The following NALF1 variants were observed in gnomAD, a reference collection of about 807,000 sequenced individuals.
The protein encoded by NALF1 is family with sequence similarity 155 member A.
NALF1 carries 3 observed loss-of-function variants against 48.4 expected under a neutral mutation model. That is an observed-to-expected ratio of 0.06 (90% CI 0.03 to 0.16). The LOEUF is 0.16. NALF1 is among the 10% of genes least tolerant of loss of function. NALF1 has a pLI of 1.00. For missense variants in NALF1, 526 were observed against 571.5 expected (o/e 0.92, Z 0.81); for synonymous variants, 262 against 245.7 (o/e 1.07, Z -0.62).
chr13:107,510,680 T>C (rs1317152669), intron 1 of NALF1, among the ~76,000 whole-genome samples: 2 of 152,162 alleles, frequency 1.3e-5, no homozygotes, highest in African/African-American at 4.8e-5. Context: ...TGTGAGGCCT[T>C]GATACTCTGC....
intron 1 of NALF1, among the ~76,000 whole-genome samples, chr13:107,498,126 C>A (rs1333182970): frequency 6.6e-6 from 1 of 152,098 alleles, no homozygotes; most frequent in East Asian, 1.9e-4. Context: ...GAAAGCAAAT[C>A]ATGTACACAT....
At chr13:107,855,976 C>G (rs895045126) in intron 1 of NALF1, among the ~76,000 whole-genome samples, 1 of 150,820 alleles carries the variant, frequency 6.6e-6, no homozygotes, top group Non-Finnish European at 1.5e-5. Context: ...GGCACGAATA[C>G]TGCTCATTGG....
intron 1 of NALF1, among the ~76,000 whole-genome samples, chr13:107,477,270 T>C (rs76694225): frequency 1.3e-5 from 2 of 152,122 alleles, no homozygotes; most frequent in East Asian, 1.9e-4. Flanking sequence ...AATAACTTCA[T>C]GGTTGGCTTC....
chr13:107,314,913 G>C (rs1882116387), intron 1 of NALF1, among the ~76,000 whole-genome samples: 1 of 152,114 alleles, frequency 6.6e-6, no homozygotes, highest in South Asian at 2.1e-4. Context: ...GTCATCTGGT[G>C]GTGGTGGAAT....
At chr13:107,690,697 G>T (rs2138503801) in intron 1 of NALF1, among the ~76,000 whole-genome samples, 1 of 152,264 alleles carries the variant, frequency 6.6e-6, no homozygotes, top group Admixed American at 6.5e-5. Context: ...TGAAGGAGAT[G>T]GGAGAGGAAT....
intron 1 of NALF1, among the ~76,000 whole-genome samples, chr13:107,254,062 A>AAAAAAAATATATATATATATATAT: frequency 1.4e-5 from 2 of 138,682 alleles, no homozygotes; most frequent in African/African-American, 5.4e-5. Context: ...CAAGTACTAA[A>AAAAAAAATATATATATATATATAT]ATATATATAT....
At chr13:107,212,457 C>T (rs1003089854) in intron 1 of NALF1, among the ~76,000 whole-genome samples, 13 of 152,220 alleles carry the variant, frequency 8.5e-5, no homozygotes, top group African/African-American at 2.6e-4. Flanking sequence ...ATTCTTATGC[C>T]AACTGGGAAA....
At chr13:107,507,419 T>C (rs1191649025) in intron 1 of NALF1, among the ~76,000 whole-genome samples, 1 of 151,976 alleles carries the variant, frequency 6.6e-6, no homozygotes, top group Non-Finnish European at 1.5e-5. Context: ...ATGGTAGCTT[T>C]TTTTTGTTTG....
chr13:107,254,022 G>C (rs2138847241), intron 1 of NALF1, among the ~76,000 whole-genome samples: 1 of 145,540 alleles, frequency 6.9e-6, no homozygotes, highest in African/African-American at 2.5e-5. Flanking sequence ...TGACAAAGTA[G>C]TTCTCTTTTA....
intron 1 of NALF1, among the ~76,000 whole-genome samples, chr13:107,765,651 T>C (rs1021655217): frequency 1.3e-5 from 2 of 152,148 alleles, no homozygotes; most frequent in Non-Finnish European, 2.9e-5. Flanking sequence ...ATTTAGTAAA[T>C]AGGATCCCTG....
At chr13:107,863,895 CTT>C (rs1438767350) in intron 1 of NALF1, among the ~76,000 whole-genome samples, 2 of 152,100 alleles carry the variant, frequency 1.3e-5, no homozygotes, top group Non-Finnish European at 2.9e-5. Context: ...TACAGACTGT[CTT>C]TTAAATACTG....
intron 1 of NALF1, among the ~76,000 whole-genome samples, chr13:107,299,902 A>G (rs191334305): frequency 2.6e-5 from 4 of 152,266 alleles, no homozygotes; most frequent in African/African-American, 9.6e-5. Context: ...CTGCAGCCAC[A>G]AAAAGCTTCA....
chr13:107,187,233 C>T (rs2138780859), intron 2 of NALF1, among the ~76,000 whole-genome samples: 1 of 152,296 alleles, frequency 6.6e-6, no homozygotes, highest in Non-Finnish European at 1.5e-5. Flanking sequence ...GTCCCTTCTG[C>T]CACGTAATGT....
At position 107,449,570 on chromosome 13, in the gene NALF1, G is replaced by A. The variant is rs117832120; in HGVS notation, c.916-238815C>T. Among the ~76,000 whole-genome samples, 86 of 152,248 alleles carry A rather than the reference G, an allele frequency of 5.6e-4. 1 individual carries two copies. Among genetic ancestry groups the A allele is most frequent in the Non-Finnish European group, 1.2e-3 (79 of 68,012 alleles). On this transcript the variant is annotated intron_variant, in intron 1 of 2. Transcript: ENST00000375915. ...AAGTCTAGGAAGATAATGCACAAGC[G>A]GATATGTAGAAGTCGGTAAAGAGAA... is the stretch of plus-strand genomic sequence containing the variant.
chr13:107,692,023 T>C (rs959766279), intron 1 of NALF1, among the ~76,000 whole-genome samples: 5 of 152,182 alleles, frequency 3.3e-5, no homozygotes, highest in African/African-American at 1.2e-4. Context: ...AATCTCTGAA[T>C]GAATGAACAA....
intron 1 of NALF1, among the ~76,000 whole-genome samples, chr13:107,383,504 C>T (rs1040770682): frequency 3.2e-4 from 48 of 152,088 alleles, no homozygotes; most frequent in East Asian, 9.7e-4. Context: ...AATTCACTTA[C>T]GATCTTTTCA....
chr13:107,329,607 C>A lies in NALF1; in HGVS notation c.916-118852G>T, dbSNP rs1249285392. Among the ~76,000 whole-genome samples the A allele has an allele frequency of 4.0e-5, 6 of 151,356 alleles. No homozygotes were observed. The East Asian group carries it at 1.2e-3, about 29-fold the overall frequency. On this transcript the variant is annotated intron_variant, in intron 1 of 2. Transcript: ENST00000375915. Reference sequence around the variant, plus strand: ...TGTTGGTGTGCTGCACCCAGTAACTCGTCATTTAACATTAGGTATATCTCC... The same window carrying A: ...TGTTGGTGTGCTGCACCCAGTAACTAGTCATTTAACATTAGGTATATCTCC...
chr13:107,179,120 T>C (rs932041304), intron 2 of NALF1, among the ~76,000 whole-genome samples: 1 of 152,144 alleles, frequency 6.6e-6, no homozygotes, highest in African/African-American at 2.4e-5. Flanking sequence ...TAAGCATCCA[T>C]TGACAGATAA....
intron 1 of NALF1, among the ~76,000 whole-genome samples, chr13:107,847,336 T>A (rs1271509376): frequency 6.6e-6 from 1 of 152,214 alleles, no homozygotes; most frequent in Non-Finnish European, 1.5e-5. Context: ...TCTCTGATCA[T>A]CTAAAAAATA....
Sources: gnomAD v4.1 joint callset for allele counts (sites outside exome capture counted in the v4.1 genomes callset) on GRCh38, gnomAD v4.1.1 for gene constraint, MANE v1.5 for transcripts, NCBI Gene and HGNC (gene_info 2026-07-23, HGNC 2026-07-21) for gene names.